Variants in PCCA observed in about 807,000 individuals in gnomAD.
PCCA encodes the protein propionyl-CoA carboxylase alpha chain, mitochondrial.
A neutral mutation model predicts 101.3 loss-of-function variants in PCCA; 74 were observed. The ratio of observed to expected loss-of-function variants is 0.73; its 90% CI spans 0.61 to 0.89. The LOEUF is 0.89. PCCA is among the 40% of genes least tolerant of loss of function. The pLI is 0.00. For synonymous variants in PCCA, 294 were observed against 313.6 expected (o/e 0.94, Z 0.66); for missense variants, 891 against 907.0 (o/e 0.98, Z 0.23).
chr13:100,258,710 A>G (rs2062243506), intron 9 of PCCA, among the ~76,000 whole-genome samples: 1 of 152,246 alleles, frequency 6.6e-6, no homozygotes, highest in South Asian at 2.1e-4. Flanking sequence ...ATTTTAATTT[A>G]CAGCTTAATA....
At chr13:100,337,416 G>A (rs1005984463) in intron 17 of PCCA, among the ~76,000 whole-genome samples, 1 of 152,192 alleles carries the variant, frequency 6.6e-6, no homozygotes, top group African/African-American at 2.4e-5. Context: ...TCAGAGCCAG[G>A]GAAGACATGC....
chr13:100,439,059 C>T (rs1278933477), intron 20 of PCCA, among the ~76,000 whole-genome samples: 3 of 152,170 alleles, frequency 2.0e-5, no homozygotes, highest in Admixed American at 1.3e-4. Context: ...AAATTTAACT[C>T]CTCAGTCACA....
chr13:100,319,801 A>G (rs1361333838), intron 16 of PCCA, among the ~76,000 whole-genome samples: 2 of 152,082 alleles, frequency 1.3e-5, no homozygotes, highest in Non-Finnish European at 2.9e-5. Context: ...TTGGCTTAGG[A>G]TTGTCTTGGC....
At chr13:100,449,663 G>GT (rs1199567426) in intron 21 of PCCA, among the ~76,000 whole-genome samples, 1 of 151,964 alleles carries the variant, frequency 6.6e-6, no homozygotes, top group African/African-American at 2.4e-5. Context: ...ATTTTTGTGT[G>GT]TTTTTTTCTA....
intron 6 of PCCA, among the ~76,000 whole-genome samples, chr13:100,158,495 G>A (rs912992875): frequency 1.3e-5 from 2 of 152,174 alleles, no homozygotes; most frequent in African/African-American, 4.8e-5. Flanking sequence ...AAATTACATG[G>A]ACACATCCAG....
chr13:100,367,472 T>C (rs1361209781), intron 18 of PCCA, among the ~76,000 whole-genome samples: 6 of 151,390 alleles, frequency 4.0e-5, no homozygotes, highest in Non-Finnish European at 7.4e-5. Flanking sequence ...ATAAGTCATT[T>C]AGGGTTTTGT....
intron 19 of PCCA, among the ~76,000 whole-genome samples, chr13:100,402,737 T>A (rs576740976): frequency 6.6e-6 from 1 of 152,150 alleles, no homozygotes; most frequent in African/African-American, 2.4e-5. Flanking sequence ...GTGGTATTGG[T>A]AGGGGCAGGG....
At chr13:100,484,639 A>G (rs2084224587) in intron 21 of PCCA, among the ~76,000 whole-genome samples, 1 of 152,252 alleles carries the variant, frequency 6.6e-6, no homozygotes, top group Non-Finnish European at 1.5e-5. Flanking sequence ...TTGAGAGTCC[A>G]CTATTGATAC....
At chr13:100,415,206 C>A (rs1464157309) in intron 19 of PCCA, among the ~76,000 whole-genome samples, 2 of 147,238 alleles carry the variant, frequency 1.4e-5, no homozygotes, top group Non-Finnish European at 3.0e-5. Context: ...GAGATCGAGA[C>A]CAGCCTGGGC....
At chr13:100,223,074 C>T (rs1376177642) in intron 7 of PCCA, among the ~76,000 whole-genome samples, 1 of 152,092 alleles carries the variant, frequency 6.6e-6, no homozygotes, top group Non-Finnish European at 1.5e-5. Context: ...TTTTATTCAA[C>T]ATTTCATTAC....
intron 8 of PCCA, among the ~76,000 whole-genome samples, chr13:100,251,240 A>G (rs1002783268): frequency 2.0e-5 from 3 of 152,246 alleles, no homozygotes; most frequent in African/African-American, 4.8e-5. Context: ...GCTCTTACAC[A>G]TAGATCCAGG....
At chr13:100,357,696 T>C (rs955030842) in intron 18 of PCCA, among the ~76,000 whole-genome samples, 1 of 152,192 alleles carries the variant, frequency 6.6e-6, no homozygotes, top group East Asian at 1.9e-4. Flanking sequence ...AGAAGAAAAC[T>C]ACACCAGTGA....
intron 7 of PCCA, among the ~76,000 whole-genome samples, chr13:100,216,041 T>G (rs2059486489): frequency 6.6e-6 from 1 of 152,128 alleles, no homozygotes; most frequent in Non-Finnish European, 1.5e-5. Flanking sequence ...TATGCAGTAT[T>G]TTAATTTTCC....
chr13:100,151,014 A>C (rs574075534), intron 4 of PCCA: 1 of 1,546,148 alleles, frequency 6.5e-7, no homozygotes, highest in South Asian at 1.1e-5. Context: ...CGGTACTGCC[A>C]GCAGCGGACC....
intron 12 of PCCA, among the ~76,000 whole-genome samples, chr13:100,290,306 T>C (rs1186444882): frequency 6.6e-6 from 1 of 152,074 alleles, no homozygotes; most frequent in Non-Finnish European, 1.5e-5. Flanking sequence ...TGACCTCCTG[T>C]GCTCAAGCAG....
At chr13:100,381,403 A>G (rs1812963021) in intron 19 of PCCA, among the ~76,000 whole-genome samples, 2 of 152,170 alleles carry the variant, frequency 1.3e-5, no homozygotes, top group Admixed American at 1.3e-4. Flanking sequence ...AAAAAAAAAA[A>G]AAAGTGTTGG....
intron 20 of PCCA, among the ~76,000 whole-genome samples, chr13:100,442,581 G>A (rs1314204989): frequency 6.6e-6 from 1 of 152,142 alleles, no homozygotes; most frequent in Non-Finnish European, 1.5e-5. Flanking sequence ...CTCCTACATA[G>A]AAGGGAACGC....
intron 20 of PCCA, among the ~76,000 whole-genome samples, chr13:100,436,769 A>C (rs2079966716): frequency 6.6e-6 from 1 of 152,216 alleles, no homozygotes; most frequent in African/African-American, 2.4e-5. Flanking sequence ...TAATTGGATG[A>C]ATAGGTGTGG....
At chr13:100,419,440 C>G (rs936170178) in intron 19 of PCCA, among the ~76,000 whole-genome samples, 2 of 150,198 alleles carry the variant, frequency 1.3e-5, no homozygotes, top group African/African-American at 2.5e-5. Flanking sequence ...CCACTGTACT[C>G]TAGCCTGGGC....
Sources: allele counts gnomAD v4.1 joint callset (sites outside exome capture counted in the v4.1 genomes callset), GRCh38; gene constraint gnomAD v4.1.1; transcripts MANE v1.5; gene names NCBI Gene and HGNC (gene_info 2026-07-23, HGNC 2026-07-21).